Variants in DGKD observed in about 807,000 individuals in gnomAD.
DGKD encodes diacylglycerol kinase delta.
A neutral mutation model predicts 154.4 loss-of-function variants in DGKD; 68 were observed. The ratio of observed to expected loss-of-function variants is 0.44; its 90% confidence interval spans 0.36 to 0.54. The LOEUF is 0.54. Ranked by LOEUF, DGKD falls within the 20% of genes least tolerant of loss-of-function variation. DGKD has a pLI of 0.00. For synonymous variants in DGKD, 693 were observed against 638.0 expected (o/e 1.09, Z -1.30); for missense variants, 1,343 against 1,593.6 (o/e 0.84, Z 2.68).
At chr2:233,355,830 A>G (rs1361577485) in intron 1 of DGKD, among the ~76,000 whole-genome samples, 2 of 152,222 alleles carry the variant, frequency 1.3e-5, no homozygotes, top group Non-Finnish European at 1.5e-5. Context: ...AGCACTTGAC[A>G]TGGTTAGTTT....
At chr2:233,428,916 A>C (rs1044491526) in intron 3 of DGKD, among the ~76,000 whole-genome samples, 2 of 152,164 alleles carry the variant, frequency 1.3e-5, no homozygotes, top group Non-Finnish European at 2.9e-5. Flanking sequence ...TTAGAAGCCA[A>C]AACCCAGGTT....
At chr2:233,428,029 G>T (rs564108740) in intron 3 of DGKD, among the ~76,000 whole-genome samples, 28 of 152,282 alleles carry the variant, frequency 1.8e-4, no homozygotes, top group African/African-American at 6.5e-4. Context: ...AGGAAGTGCT[G>T]CTCAGAACAT....
intron 3 of DGKD, among the ~76,000 whole-genome samples, chr2:233,409,578 C>T (rs1443009203): frequency 6.6e-6 from 1 of 151,830 alleles, no homozygotes; most frequent in Non-Finnish European, 1.5e-5. Context: ...AAAAATCCCA[C>T]GTTCCCGTCC....
chr2:233,456,805 G>C (rs2063475954), intron 19 of DGKD, 94 bp from the exon 20 acceptor site: 2 of 883,978 alleles, frequency 2.3e-6, no homozygotes, highest in Non-Finnish European at 3.7e-6. Flanking sequence ...CTGATTTGTG[G>C]GTCAGATGCT....
intron 3 of DGKD, among the ~76,000 whole-genome samples, chr2:233,392,624 A>G (rs1233642750): frequency 6.6e-6 from 1 of 152,352 alleles, no homozygotes; most frequent in African/African-American, 2.4e-5. Context: ...GTTTTCTGCA[A>G]CATTTTATGT....
At chr2:233,442,173 C>T (rs1024303072) in intron 10 of DGKD, 178 bp downstream of exon 10, 1 of 712,258 alleles carries the variant, frequency 1.4e-6, no homozygotes, top group African/African-American at 1.7e-5. Context: ...CCTGGGCCAC[C>T]CCCTGGCATT....
At chr2:233,410,338 G>A (rs1008928584) in intron 3 of DGKD, among the ~76,000 whole-genome samples, 10 of 152,140 alleles carry the variant, frequency 6.6e-5, no homozygotes, top group African/African-American at 9.7e-5. Flanking sequence ...GACCGGGATC[G>A]CTTCCTTTTC....
intron 3 of DGKD, among the ~76,000 whole-genome samples, chr2:233,391,418 C>G (rs187240921): frequency 2.5e-3 from 381 of 152,062 alleles, no homozygotes; most frequent in Non-Finnish European, 3.8e-3. Context: ...TTTTCCCCCC[C>G]CAGGACAATT....
intron 28 of DGKD, among the ~76,000 whole-genome samples, chr2:233,468,139 G>A (rs1252338177): frequency 4.6e-5 from 7 of 151,762 alleles, no homozygotes; most frequent in African/African-American, 9.7e-5. Context: ...GCCTCTTTCT[G>A]CACTGCTGGT....
intron 1 of DGKD, among the ~76,000 whole-genome samples, chr2:233,380,640 C>A (rs1702844529): frequency 6.6e-6 from 1 of 152,118 alleles, no homozygotes; most frequent in African/African-American, 2.4e-5. Context: ...AGTTCAGAAA[C>A]AAGGTCCTGT....
chr2:233,464,767 C>T (rs566141492), intron 27 of DGKD, among the ~76,000 whole-genome samples: 1 of 152,298 alleles, frequency 6.6e-6, no homozygotes, highest in South Asian at 2.1e-4. Context: ...CATAGCGGAC[C>T]CTGGGGTGGA....
intron 12 of DGKD, chr2:233,447,831 C>G (rs533667744): frequency 1.0e-5 from 13 of 1,295,224 alleles, no homozygotes; most frequent in Admixed American, 7.0e-5. Flanking sequence ...GTGCTGGGAT[C>G]GCAGACTGAA....
At position 233,438,134 on chromosome 2, in the gene DGKD, G is replaced by C. The variant is rs2062759632; in HGVS notation, c.923-83G>C. ...TGTCAGGTGTGTGTCCTTTGGGGGG[G>C]TCTGCTGCTGCTGATTCCATCAGTG... On this transcript the variant is annotated intron_variant, in intron 8 of 29. Coordinates refer to ENST00000264057, the MANE Select transcript of DGKD (RefSeq NM_152879.3). The surrounding 1 kb of genome is among the most constrained non-coding windows in gnomAD (Gnocchi z 4.1). 2.0e-6 allele frequency: 3 copies of C among 1,492,222 alleles called. No homozygotes were observed. In the South Asian group the frequency reaches 3.8e-5, roughly 19 times the overall value. The allele number at this position is 1,492,222 out of a possible 1,614,324, so 92.4% of individuals were successfully genotyped here.
At chr2:233,405,787 A>G (rs2061672519) in intron 3 of DGKD, among the ~76,000 whole-genome samples, 2 of 152,192 alleles carry the variant, frequency 1.3e-5, no homozygotes, top group Admixed American at 1.3e-4. Flanking sequence ...AGCAGCGCAA[A>G]ACAGACTAAG....
chr2:233,397,160 G>A (rs1309117342), intron 3 of DGKD, among the ~76,000 whole-genome samples: 18 of 89,588 alleles, frequency 2.0e-4, no homozygotes, highest in Admixed American at 4.2e-4. Context: ...GGTGGCTGCG[G>A]GGGGGGCCAG....
At chr2:233,362,732 C>T (rs959184317) in intron 1 of DGKD, among the ~76,000 whole-genome samples, 3 of 152,164 alleles carry the variant, frequency 2.0e-5, no homozygotes, top group African/African-American at 4.8e-5. Context: ...ATTCGATAGC[C>T]GTATGAACTG....
chr2:233,455,627 G>A (rs1034348411), intron 19 of DGKD, among the ~76,000 whole-genome samples: 24 of 152,242 alleles, frequency 1.6e-4, no homozygotes, highest in African/African-American at 5.3e-4. Flanking sequence ...GCAGAGAACA[G>A]CCCTTGACCC....
chr2:233,363,240 C>T (rs1367629246), intron 1 of DGKD, among the ~76,000 whole-genome samples: 2 of 151,988 alleles, frequency 1.3e-5, no homozygotes, highest in East Asian at 1.9e-4. Context: ...GATGTGGAGG[C>T]GGAAGATAAT....
intron 3 of DGKD, among the ~76,000 whole-genome samples, chr2:233,393,515 T>C (rs1182379060): frequency 6.6e-6 from 1 of 151,504 alleles, no homozygotes; most frequent in Non-Finnish European, 1.5e-5. Context: ...TTTTGTATTT[T>C]TAGTTAGAGA....
Sources: gnomAD v4.1 joint callset for allele counts (sites outside exome capture counted in the v4.1 genomes callset) on GRCh38, gnomAD v4.1.1 for gene constraint, Gnocchi (gnomAD v3.1) non-coding constraint, MANE v1.5 for transcripts, NCBI Gene and HGNC (gene_info 2026-07-23, HGNC 2026-07-21) for gene names.